The following SIK3 variants were observed in gnomAD, a reference collection of about 807,000 sequenced individuals.
The protein encoded by SIK3 is SIK family kinase 3.
In SIK3, 28 loss-of-function variants were observed where a neutral mutation model predicts 144.2. The ratio of observed to expected loss-of-function variants is 0.19; its 90% confidence interval spans 0.14 to 0.27. The LOEUF (loss-of-function observed/expected upper bound fraction) is 0.27. SIK3 is among the 10% of genes least tolerant of loss of function. The pLI is 1.00. For synonymous variants in SIK3, 686 were observed against 676.3 expected, an observed-to-expected ratio of 1.01 and a Z score of -0.22; for missense variants, 1,319 against 1,776.0, an observed-to-expected ratio of 0.74 and a Z score of 4.62.
intron 1 of SIK3, among the ~76,000 whole-genome samples, chr11:116,992,811 T>C (rs1246374759): frequency 6.6e-6 from 1 of 152,114 alleles, no homozygotes; most frequent in Non-Finnish European, 1.5e-5. Flanking sequence ...TGGAGGGACC[T>C]CATCTCTACA....
intron 3 of SIK3, among the ~76,000 whole-genome samples, chr11:116,945,022 G>C (rs11216194): frequency 0.073 from 10,975 of 151,344 alleles, 487 homozygotes; most frequent in Middle Eastern, 0.11. Context: ...TGCAGTGGCT[G>C]GATCTCGACT....
intron 6 of SIK3, among the ~76,000 whole-genome samples, chr11:116,884,987 C>T (rs985107663): frequency 1.3e-5 from 2 of 152,156 alleles, no homozygotes; most frequent in African/African-American, 2.4e-5. Flanking sequence ...GGAAGTCCCA[C>T]ACTTCAGTAA....
At chr11:116,920,912 G>A (rs988417260) in intron 4 of SIK3, among the ~76,000 whole-genome samples, 2 of 152,134 alleles carry the variant, frequency 1.3e-5, no homozygotes, top group African/African-American at 4.8e-5. Flanking sequence ...TAATTAGACT[G>A]TACAATTAAT....
At chr11:116,975,817 A>C (rs1372027284) in intron 1 of SIK3, among the ~76,000 whole-genome samples, 1 of 152,192 alleles carries the variant, frequency 6.6e-6, no homozygotes, top group East Asian at 1.9e-4. Context: ...TGCATCATTA[A>C]ATTCTCTCTC....
At chr11:116,878,177 C>T (rs1056038978) in intron 6 of SIK3, among the ~76,000 whole-genome samples, 16 of 152,110 alleles carry the variant, frequency 1.1e-4, no homozygotes, top group South Asian at 4.2e-4. Flanking sequence ...CTGACTTACA[C>T]GCTGCAAAAG....
intron 3 of SIK3, among the ~76,000 whole-genome samples, chr11:116,937,321 A>G (rs189492697): frequency 7.2e-5 from 11 of 152,362 alleles, no homozygotes; most frequent in African/African-American, 2.4e-4. Context: ...AAAGGTGTGG[A>G]AGCCAGACAT....
Position 117,021,944 on chromosome 11 carries a change from A to C in SIK3, c.274-64880T>G, listed in dbSNP as rs1473737096. Among the ~76,000 whole-genome samples the C allele has an allele frequency of 6.6e-4, 86 of 130,032 alleles. 1 individual carries two copies. Among genetic ancestry groups the C allele is most frequent in the South Asian group, 1.4e-3 (6 of 4,402 alleles). 85.3% of individuals were successfully genotyped at this position (130,032 alleles called of 152,430 possible). A position where few individuals can be genotyped will look rare whatever the true frequency, so the allele number is the denominator to read the frequency against. On this transcript the variant is annotated intron_variant, in intron 1 of 24. Coordinates refer to ENST00000445177, the MANE Select transcript of SIK3 (RefSeq NM_001366686.3). ...CTGTCTCTACAAAAAAAAAAAAAAAAAAAAAAAAAAAAAAAAACCTAAAAA... is the reference window on the plus strand; with the variant it reads ...CTGTCTCTACAAAAAAAAAAAAAAACAAAAAAAAAAAAAAAAACCTAAAAA...
At chr11:116,970,688 T>C (rs1010658114) in intron 1 of SIK3, among the ~76,000 whole-genome samples, 14 of 152,180 alleles carry the variant, frequency 9.2e-5, no homozygotes, top group Non-Finnish European at 4.4e-5. Flanking sequence ...TCTTGCTCCG[T>C]TGACCACGCT....
intron 1 of SIK3, among the ~76,000 whole-genome samples, chr11:117,008,597 A>G (rs1951139700): frequency 6.6e-6 from 1 of 152,260 alleles, no homozygotes; most frequent in Non-Finnish European, 1.5e-5. Context: ...TTCTCTGCAG[A>G]AAATGAACTC....
chr11:116,938,555 G>A (rs1213257122), intron 3 of SIK3, among the ~76,000 whole-genome samples: 1 of 38,258 alleles, frequency 2.6e-5, no homozygotes, highest in African/African-American at 2.1e-4. Context: ...GGGGAGGGGA[G>A]GGGAGGGGAG....
chr11:116,977,394 G>A (rs944199519), intron 1 of SIK3, among the ~76,000 whole-genome samples: 3 of 152,032 alleles, frequency 2.0e-5, no homozygotes, highest in Non-Finnish European at 4.4e-5. Context: ...AATTTCTTAG[G>A]TGAGTTGGGC....
At chr11:117,029,053 C>G (rs1952143894) in intron 1 of SIK3, among the ~76,000 whole-genome samples, 1 of 151,736 alleles carries the variant, frequency 6.6e-6, no homozygotes, top group Admixed American at 6.6e-5. Context: ...AAATTACAGG[C>G]ACCCGCCACT....
At chr11:116,932,997 A>G (rs973471720) in intron 3 of SIK3, among the ~76,000 whole-genome samples, 6 of 151,932 alleles carry the variant, frequency 3.9e-5, no homozygotes, top group Non-Finnish European at 7.4e-5. Flanking sequence ...TCTCAAACTC[A>G]TGGGCTCAAG....
At chr11:117,079,797 GAC>G (rs1285970221) in intron 1 of SIK3, among the ~76,000 whole-genome samples, 5 of 151,552 alleles carry the variant, frequency 3.3e-5, no homozygotes, top group African/African-American at 1.2e-4. Flanking sequence ...TTTTATATTA[GAC>G]ACACACACAA....
intron 1 of SIK3, among the ~76,000 whole-genome samples, chr11:117,014,397 T>C (rs1951432009): frequency 6.6e-6 from 1 of 152,164 alleles, no homozygotes; most frequent in Non-Finnish European, 1.5e-5. Flanking sequence ...TTTTAGAAGA[T>C]AATATTAGAG....
chr11:116,873,602 A>G lies in SIK3; in HGVS notation c.1616T>C (p.Leu539Pro). 1 of 1,589,532 alleles carries G rather than the reference A, an allele frequency of 6.3e-7. No homozygotes were observed. The highest frequency in any genetic ancestry group is 2.2e-5 in the East Asian group (1 of 44,678). The change falls in exon 13 of 25, where the codon CTG becomes CCG. Residue 539 changes from leucine (L) to proline (P), a missense_variant. Coordinates refer to ENST00000445177, the MANE Select transcript of SIK3 (RefSeq NM_001366686.3). ...GCCAAGGGGGCCCATTCCATTCAACAGCTGTAGCGTGGGCGGCTGTAGGAG... is the reference window on the plus strand; with the variant it reads ...GCCAAGGGGGCCCATTCCATTCAACGGCTGTAGCGTGGGCGGCTGTAGGAG... ...QSLLQPPTLQ[L>P]LNGMGPLGRR...
At chr11:117,000,108 T>C (rs1334686057) in intron 1 of SIK3, among the ~76,000 whole-genome samples, 1 of 152,246 alleles carries the variant, frequency 6.6e-6, no homozygotes, top group Non-Finnish European at 1.5e-5. Flanking sequence ...TTTTTCATTG[T>C]TGCTAAAACT....
intron 6 of SIK3, among the ~76,000 whole-genome samples, chr11:116,894,500 T>C (rs142037951): frequency 2.2e-4 from 34 of 152,318 alleles, no homozygotes; most frequent in African/African-American, 7.9e-4. Context: ...CATCCTTCCA[T>C]TTGCTCAGGA....
intron 4 of SIK3, among the ~76,000 whole-genome samples, chr11:116,923,870 C>T (rs1283471257): frequency 2.0e-5 from 3 of 152,182 alleles, no homozygotes; most frequent in Non-Finnish European, 4.4e-5. Flanking sequence ...ACAACAACAA[C>T]AACAGAAAAG....
Sources: gnomAD v4.1 joint callset for allele counts (sites outside exome capture counted in the v4.1 genomes callset) on GRCh38, gnomAD v4.1.1 for gene constraint, MANE v1.5 for transcripts, NCBI Gene and HGNC (gene_info 2026-07-23, HGNC 2026-07-21) for gene names.